FRMPD4: variants seen among roughly 807,000 people sequenced by gnomAD.
The protein encoded by FRMPD4 is FERM and PDZ domain-containing protein 4.
Under a neutral mutation model 94.1 loss-of-function variants are expected in FRMPD4, and 22 were observed. The ratio of observed to expected loss-of-function variants is 0.23; its 90% CI spans 0.17 to 0.33. FRMPD4 has a LOEUF of 0.33. FRMPD4 is among the 10% of genes least tolerant of loss of function. The pLI, the probability that FRMPD4 is intolerant of heterozygous loss-of-function variation, is 1.00. For missense variants in FRMPD4, 1,111 were observed against 1,339.9 expected (o/e 0.83, Z 2.67); for synonymous variants, 631 against 548.6 (o/e 1.15, Z -2.10).
intron 1 of FRMPD4, among the ~76,000 whole-genome samples, chrX:12,210,787 G>C (rs778382384): frequency 5.4e-5 from 6 of 110,965 alleles, no homozygotes; most frequent in Non-Finnish European, 9.4e-5. Flanking sequence ...TTTGAATTTA[G>C]ATGTATGAGA....
intron 3 of FRMPD4, among the ~76,000 whole-genome samples, chrX:11,980,592 T>A (rs1274981906): frequency 8.9e-6 from 1 of 111,771 alleles, no homozygotes; most frequent in African/African-American, 3.2e-5. Flanking sequence ...TTCTAAATAC[T>A]ACTATATTTC....
intron 3 of FRMPD4, among the ~76,000 whole-genome samples, chrX:11,998,087 G>C (rs1240769365): frequency 9.0e-6 from 1 of 111,494 alleles, no homozygotes; most frequent in Non-Finnish European, 1.9e-5. Flanking sequence ...GCCTTTTTAT[G>C]ACACAGTGTT....
intron 2 of FRMPD4, among the ~76,000 whole-genome samples, chrX:12,550,511 G>A (rs2058522984): frequency 9.0e-6 from 1 of 110,970 alleles, no homozygotes; most frequent in Admixed American, 9.6e-5. Context: ...ATTCACTGAG[G>A]TATACTGCTA....
At chrX:12,228,119 C>G (rs1601716475) in intron 1 of FRMPD4, among the ~76,000 whole-genome samples, 1 of 112,378 alleles carries the variant, frequency 8.9e-6, no homozygotes, top group Admixed American at 9.4e-5. Flanking sequence ...TCCAGATACT[C>G]TACCAAAGAG....
chrX:12,216,989 G>A (rs191428048), intron 1 of FRMPD4, among the ~76,000 whole-genome samples: 1 of 111,944 alleles, frequency 8.9e-6, no homozygotes, highest in Admixed American at 9.5e-5. Context: ...GCTTTCTGCC[G>A]TCTGCAGAAA....
intron 1 of FRMPD4, among the ~76,000 whole-genome samples, chrX:12,193,843 A>AAAAGG (rs2056533881): frequency 1.3e-5 from 1 of 77,249 alleles, no homozygotes. Context: ...AGGAAGAAAG[A>AAAAGG]AAAGAAAGAA....
intron 2 of FRMPD4, among the ~76,000 whole-genome samples, chrX:11,872,457 A>G (rs920205914): frequency 8.0e-5 from 9 of 112,369 alleles, no homozygotes; most frequent in Non-Finnish European, 1.9e-5. Flanking sequence ...ATCTCATTCT[A>G]TCTTTTTTAT....
At chrX:12,281,673 G>C (rs2054528431) in intron 1 of FRMPD4, among the ~76,000 whole-genome samples, 1 of 111,549 alleles carries the variant, frequency 9.0e-6, no homozygotes, top group Non-Finnish European at 1.9e-5. Flanking sequence ...CTGTGCCTTG[G>C]CCTTAAAAAA....
intron 1 of FRMPD4, among the ~76,000 whole-genome samples, chrX:12,387,919 T>C (rs2056419061): frequency 9.2e-6 from 1 of 108,865 alleles, no homozygotes; most frequent in Admixed American, 9.8e-5. Context: ...CCACCTCAGT[T>C]ACCACTGTGG....
intron 1 of FRMPD4, among the ~76,000 whole-genome samples, chrX:12,326,008 T>C (rs1217570569): frequency 8.9e-6 from 1 of 112,278 alleles, no homozygotes. Flanking sequence ...TAATTTTCAC[T>C]TCCTACTCTA....
chrX:12,243,855 G>A (rs951894440), intron 1 of FRMPD4, among the ~76,000 whole-genome samples: 39 of 83,609 alleles, frequency 4.7e-4, no homozygotes, highest in Admixed American at 1.6e-3. Context: ...CGCCCAGGCT[G>A]GACTAGAGTA....
chrX:12,152,995 G>A (rs61408629), intron 1 of FRMPD4, among the ~76,000 whole-genome samples: 12 of 103,355 alleles, frequency 1.2e-4, no homozygotes, highest in Non-Finnish European at 2.0e-4. Context: ...CTGCAGTGGC[G>A]CAATCTCGGC....
At chrX:12,290,867 G>GA (rs67787806) in intron 1 of FRMPD4, among the ~76,000 whole-genome samples, 23 of 105,659 alleles carry the variant, frequency 2.2e-4, no homozygotes, top group Admixed American at 6.1e-4. Flanking sequence ...GAGGTAATCG[G>GA]AAAAAAAAAA....
At chrX:12,587,645 AGTGTGTGTGTGT>A (rs56902110) in intron 2 of FRMPD4, among the ~76,000 whole-genome samples, 10 of 103,971 alleles carry the variant, frequency 9.6e-5, no homozygotes, top group Middle Eastern at 4.9e-3. Flanking sequence ...TTCCATTATG[AGTGTGTGTGTGT>A]GTGTGTGTGT....
At chrX:12,679,949 T>C (rs769535179) in intron 5 of FRMPD4, among the ~76,000 whole-genome samples, 1 of 112,070 alleles carries the variant, frequency 8.9e-6, no homozygotes, top group Non-Finnish European at 1.9e-5. Flanking sequence ...AGGTCTGCAT[T>C]TTGGAGACTC....
At chrX:11,900,946 T>C (rs768056426) in intron 3 of FRMPD4, among the ~76,000 whole-genome samples, 25 of 111,459 alleles carry the variant, frequency 2.2e-4, no homozygotes, top group Admixed American at 1.9e-3. Context: ...TGTTCCCCCA[T>C]GGCCACCACA....
At position 12,717,988 on chromosome X, in the gene FRMPD4, G is replaced by A. The variant is rs201927411; in HGVS notation, c.3162G>A (p.Thr1054=). 21 of 1,210,487 alleles carry A rather than the reference G, an allele frequency of 1.7e-5. No individual in the cohort carries two copies. The highest frequency in any genetic ancestry group is 1.2e-4 in the African/African-American group (7 of 57,384). Residue 1054 remains threonine, a synonymous_variant, in exon 16 of 17, where the codon ACG becomes ACA. Transcript: ENST00000675598. ...GAAAAAAACAGCAGGGGACCAAAAC[G>A]GCAGAGATGGAGGAGGAGGCCAGTG... is the stretch of plus-strand genomic sequence containing the variant. ...TTGKKQQGTK[T]AEMEEEASGK... is the part of the protein sequence containing the mutation.
At chrX:12,471,221 G>T (rs1478321222) in intron 1 of FRMPD4, among the ~76,000 whole-genome samples, 1 of 111,720 alleles carries the variant, frequency 9.0e-6, no homozygotes, top group African/African-American at 3.3e-5. Context: ...TGAAATGCCC[G>T]ACAGAAACAG....
At chrX:12,087,486 G>A (rs1041985621) in intron 3 of FRMPD4, among the ~76,000 whole-genome samples, 3 of 111,608 alleles carry the variant, frequency 2.7e-5, no homozygotes, top group East Asian at 2.8e-4. Flanking sequence ...AGCCTCCCAG[G>A]TAGACAGGTC....
Sources: allele counts gnomAD v4.1 joint callset (sites outside exome capture counted in the v4.1 genomes callset), GRCh38; gene constraint gnomAD v4.1.1; transcripts MANE v1.5; gene names NCBI Gene and HGNC (gene_info 2026-07-23, HGNC 2026-07-21).